RBFOX1: variants seen among roughly 807,000 people sequenced by gnomAD.
RBFOX1 encodes the protein RNA binding protein fox-1 homolog 1.
Under a neutral mutation model 57.7 loss-of-function variants are expected in RBFOX1, and 8 were observed. The ratio of observed to expected loss-of-function variants is 0.14; its 90% CI spans 0.08 to 0.25. The LOEUF (loss-of-function observed/expected upper bound fraction) is 0.25. Among genes scored for constraint, RBFOX1 ranks in the 10% least tolerant of loss-of-function variants. The pLI is 1.00. For synonymous variants in RBFOX1, 326 were observed against 222.4 expected (o/e 1.47, Z -4.15); for missense variants, 611 against 548.5 (o/e 1.11, Z -1.14).
intron 3 of RBFOX1, among the ~76,000 whole-genome samples, chr16:6,758,362 G>C (rs1023954033): frequency 6.6e-6 from 1 of 152,078 alleles, no homozygotes; most frequent in Non-Finnish European, 1.5e-5. Context: ...CAAAGTAGCA[G>C]AATGCTATTA....
chr16:5,667,073 G>C (rs1353271466), intron 3 of RBFOX1, among the ~76,000 whole-genome samples: 1 of 152,146 alleles, frequency 6.6e-6, no homozygotes, highest in East Asian at 1.9e-4. Context: ...CTACCTTCAG[G>C]ATAGGTCATT....
At chr16:5,785,150 G>A (rs1567538375) in intron 3 of RBFOX1, among the ~76,000 whole-genome samples, 1 of 152,194 alleles carries the variant, frequency 6.6e-6, no homozygotes, top group Non-Finnish European at 1.5e-5. Flanking sequence ...CAGGACGGGT[G>A]TTAAAGAGAC....
chr16:7,002,477 G>C (rs190373243), intron 3 of RBFOX1, among the ~76,000 whole-genome samples: 1 of 152,340 alleles, frequency 6.6e-6, no homozygotes, highest in African/African-American at 2.4e-5. Flanking sequence ...CACTTGGGAA[G>C]CTGAGGCAGG....
chr16:7,500,438 T>A (rs1055849656), intron 4 of RBFOX1, among the ~76,000 whole-genome samples: 2 of 152,222 alleles, frequency 1.3e-5, no homozygotes, highest in Non-Finnish European at 2.9e-5. Context: ...TCAACTGTTA[T>A]AATGTCCATA....
chr16:7,596,200 A>T (rs1327319883), intron 8 of RBFOX1, among the ~76,000 whole-genome samples: 1 of 141,666 alleles, frequency 7.1e-6, no homozygotes, highest in Admixed American at 7.2e-5. Flanking sequence ...AGCCAGTTTG[A>T]ATTTCTGTAT....
At chr16:6,413,862 A>G (rs1019785108) in intron 2 of RBFOX1, among the ~76,000 whole-genome samples, 5 of 152,198 alleles carry the variant, frequency 3.3e-5, no homozygotes, top group African/African-American at 1.2e-4. Flanking sequence ...CGACAACTAA[A>G]GGCTGAAAGA....
rs190968437 is a variant in RBFOX1 at position 7,615,830 on chromosome 16, C to G, written c.676+8492C>G. On this transcript the variant is annotated intron_variant, in intron 10 of 15. Transcript: ENST00000550418. ...CACAAGACATTCCTTGACCACAAAT[C>G]GTTATCTGGCCCAAAATGTCAATAG... Among the ~76,000 whole-genome samples, 25 of 152,240 alleles carry G rather than the reference C, an allele frequency of 1.6e-4. No individual in the cohort carries two copies. In the East Asian group the frequency reaches 4.2e-3, roughly 26 times the overall value.
chr16:5,505,801 G>A (rs373345559), intron 2 of RBFOX1, among the ~76,000 whole-genome samples: 1 of 152,122 alleles, frequency 6.6e-6, no homozygotes, highest in East Asian at 1.9e-4. Flanking sequence ...GATACCCCTG[G>A]CAGCTGTCTG....
intron 4 of RBFOX1, among the ~76,000 whole-genome samples, chr16:7,354,159 A>C (rs528239605): frequency 3.3e-5 from 5 of 151,956 alleles, no homozygotes; most frequent in African/African-American, 4.8e-5. Context: ...TTAGTAGAGA[A>C]AGGGTTTCAT....
chr16:7,232,141 A>C (rs1433527526), intron 4 of RBFOX1, among the ~76,000 whole-genome samples: 1 of 152,082 alleles, frequency 6.6e-6, no homozygotes, highest in Non-Finnish European at 1.5e-5. Flanking sequence ...CTCCTGCTTC[A>C]GCCTCCTGAG....
rs141456707 is a variant in RBFOX1 at position 6,176,986 on chromosome 16, A to T, written c.-126-140009A>T. Among the ~76,000 whole-genome samples the T allele has an allele frequency of 1.2e-3, 181 of 152,274 alleles. 1 individual carries two copies. The highest frequency in any genetic ancestry group is 2.2e-3 in the Non-Finnish European group (153 of 68,020). On this transcript the variant is annotated intron_variant, in intron 1 of 15. Coordinates refer to ENST00000550418, the MANE Select transcript of RBFOX1 (RefSeq NM_018723.4). ...TTGGTTGTTGGCGTTGAATAAATGGATGGTAACCATTCCAAGTGGAGATAT... is the reference window on the plus strand; with the variant it reads ...TTGGTTGTTGGCGTTGAATAAATGGTTGGTAACCATTCCAAGTGGAGATAT...
intron 4 of RBFOX1, among the ~76,000 whole-genome samples, chr16:7,232,133 C>G (rs1364552926): frequency 6.6e-6 from 1 of 152,114 alleles, no homozygotes; most frequent in Non-Finnish European, 1.5e-5. Context: ...AAGCGATTCT[C>G]CTGCTTCAGC....
At chr16:5,869,242 G>C (rs1297089935) in intron 4 of RBFOX1, among the ~76,000 whole-genome samples, 1 of 152,056 alleles carries the variant, frequency 6.6e-6, no homozygotes, top group Non-Finnish European at 1.5e-5. Flanking sequence ...AATATGTCCT[G>C]TTTCTCTGTG....
At chr16:5,856,573 G>GTATA (rs1173432604) in intron 3 of RBFOX1, among the ~76,000 whole-genome samples, 6 of 25,552 alleles carry the variant, frequency 2.3e-4, no homozygotes, top group African/African-American at 6.2e-4. Context: ...ATGTGTGTGT[G>GTATA]TGTATATATA....
intron 4 of RBFOX1, among the ~76,000 whole-genome samples, chr16:5,966,707 C>G (rs1756430465): frequency 6.6e-6 from 1 of 152,048 alleles, no homozygotes; most frequent in African/African-American, 2.4e-5. Flanking sequence ...AGAACAGTAC[C>G]AAGAGGATGG....
At chr16:6,334,594 C>T (rs193123996) in intron 2 of RBFOX1, among the ~76,000 whole-genome samples, 80 of 152,012 alleles carry the variant, frequency 5.3e-4, no homozygotes, top group African/African-American at 1.7e-3. Context: ...GATTTAGGCA[C>T]TCTTCACATC....
intron 4 of RBFOX1, among the ~76,000 whole-genome samples, chr16:7,224,518 A>G (rs1236314793): frequency 1.3e-5 from 2 of 152,256 alleles, no homozygotes; most frequent in East Asian, 3.9e-4. Context: ...CCTGCCCCTC[A>G]GTGCCTCTGA....
chr16:6,819,264 C>G (rs554452978), intron 3 of RBFOX1, among the ~76,000 whole-genome samples: 2 of 152,172 alleles, frequency 1.3e-5, no homozygotes, highest in Non-Finnish European at 2.9e-5. Context: ...CTTTGTGTCT[C>G]CCAGTGGAAA....
intron 3 of RBFOX1, among the ~76,000 whole-genome samples, chr16:6,781,645 A>G (rs554499106): frequency 7.2e-5 from 11 of 152,064 alleles, no homozygotes; most frequent in South Asian, 6.2e-4. Context: ...TCATGTTTCA[A>G]TCTTTGTAGT....
Sources: gnomAD v4.1 joint callset for allele counts (sites outside exome capture counted in the v4.1 genomes callset) on GRCh38, gnomAD v4.1.1 for gene constraint, MANE v1.5 for transcripts, NCBI Gene and HGNC (gene_info 2026-07-23, HGNC 2026-07-21) for gene names.